The following THEM5 variants were observed in gnomAD, a reference collection of about 807,000 sequenced individuals.
THEM5 encodes the protein thioesterase superfamily member 5.
In THEM5, 28 loss-of-function variants were observed where a neutral mutation model predicts 24.2. That is an observed-to-expected ratio of 1.16 (90% confidence interval 0.86 to 1.59). THEM5 has a LOEUF of 1.59. THEM5 is among the 40% of genes most tolerant of loss of function. The pLI, the probability that THEM5 is intolerant of heterozygous loss-of-function variation, is 0.00. For synonymous variants in THEM5, 87 were observed against 114.5 expected, an observed-to-expected ratio of 0.76 and a Z score of 1.53; for missense variants, 260 against 296.8, an observed-to-expected ratio of 0.88 and a Z score of 0.91.
In THEM5 at chr1:151,847,736, A is replaced by G. The variant is rs1323418887; in HGVS notation, c.700+2T>C. Reference sequence around the variant, plus strand: ...CTGGGGCTGGGCTGGGGGCTCCTTTACCTGAGGACTTGGCATAAACTGTCT... The same window carrying G: ...CTGGGGCTGGGCTGGGGGCTCCTTTGCCTGAGGACTTGGCATAAACTGTCT... On this transcript the variant is annotated splice_donor_variant, in intron 5 of 5. Transcript: ENST00000368817. LOFTEE classifies it high-confidence loss of function. 1 of 1,612,808 alleles carries G rather than the reference A, an allele frequency of 6.2e-7. No individual in the cohort carries two copies. Among genetic ancestry groups the G allele is most frequent in the Non-Finnish European group, 8.5e-7 (1 of 1,179,792 alleles).
At chr1:151,848,411 A>C in intron 3 of THEM5, 119 bp from the exon 4 acceptor site, 1 of 750,510 alleles carries the variant, frequency 1.3e-6, no homozygotes, top group Non-Finnish European at 2.2e-6. Context: ...AGACCCTTCC[A>C]AACACAGACG....
At chr1:151,851,212 T>C (rs369302232) in intron 2 of THEM5, 21 bp from the exon 3 acceptor site, 3 of 1,613,972 alleles carry the variant, frequency 1.9e-6, no homozygotes, top group South Asian at 2.2e-5. Flanking sequence ...ATAGGCAGTG[T>C]TGCAGCCGGA....
In THEM5 at chr1:151,847,780, C is replaced by T. The variant is rs368281552; in HGVS notation, c.658G>A (p.Ala220Thr). 122 of 1,613,788 alleles carry T rather than the reference C, an allele frequency of 7.6e-5. No individual in the cohort carries two copies. Among genetic ancestry groups the T allele is most frequent in the African/African-American group, 3.5e-4 (26 of 74,820 alleles). The change falls in exon 5 of 6, where the codon GCC (alanine) becomes ACC (threonine). Residue 220 changes from alanine to threonine, a missense_variant. Coordinates refer to ENST00000368817, the MANE Select transcript of THEM5 (RefSeq NM_182578.4). ...EDQKLYMSCI[A>T]HSRDQQTVYA... ...ACTGTCTGCTGGTCTCTGCTGTGGGCGATGCAGGACATGTAAAGCTTCTGG... is the reference window on the plus strand; with the variant it reads ...ACTGTCTGCTGGTCTCTGCTGTGGGTGATGCAGGACATGTAAAGCTTCTGG...
rs1269621826 is a variant in THEM5 at position 151,847,776 on chromosome 1, T to C, written c.662A>G (p.His221Arg). ...DQKLYMSCIA[H>R]SRDQQTVYAK... ...ATAAACTGTCTGCTGGTCTCTGCTGTGGGCGATGCAGGACATGTAAAGCTT... is the reference window on the plus strand; with the variant it reads ...ATAAACTGTCTGCTGGTCTCTGCTGCGGGCGATGCAGGACATGTAAAGCTT... Residue 221 changes from histidine to arginine, a missense_variant, in exon 5 of 6, where the codon CAC becomes CGC. By Grantham distance (29) the His-to-Arg change is conservative. Coordinates refer to ENST00000368817, the MANE Select transcript of THEM5 (RefSeq NM_182578.4). The C allele has an allele frequency of 1.2e-6, 2 of 1,613,982 alleles. No homozygotes were observed. The highest frequency in any genetic ancestry group is 2.2e-5 in the South Asian group (2 of 91,058).
At chr1:151,853,088 G>C (rs900111037) in intron 1 of THEM5, among the ~76,000 whole-genome samples, 2 of 152,226 alleles carry the variant, frequency 1.3e-5, no homozygotes, top group Non-Finnish European at 2.9e-5. Flanking sequence ...AGCGTCACCT[G>C]CTCATACACC....
intron 2 of THEM5, 116 bp from the exon 3 acceptor site, chr1:151,851,307 C>A: frequency 7.5e-7 from 1 of 1,341,446 alleles, no homozygotes; most frequent in Non-Finnish European, 1.0e-6. Context: ...CCAGAGGACA[C>A]CAGGTCCACC....
intron 3 of THEM5, 99 bp from the exon 4 acceptor site, chr1:151,848,391 C>G: frequency 1.1e-6 from 1 of 942,406 alleles, no homozygotes; most frequent in African/African-American, 1.6e-5. Context: ...TCCTACCTTT[C>G]CCTTTCCCTA....
At position 151,847,430 on chromosome 1, in the gene THEM5, G is replaced by A. The variant is rs373427749; in HGVS notation, c.701-16C>T. 34 of 1,614,016 alleles carry A rather than the reference G, an allele frequency of 2.1e-5. No homozygotes were observed. The highest frequency in any genetic ancestry group is 2.8e-5 in the Non-Finnish European group (33 of 1,180,004). ...AGGAAAACACCTGCAAGAGAAGGGTGAGTTGAGCTGCAAGAGCTGCACTGA... is the reference window on the plus strand; with the variant it reads ...AGGAAAACACCTGCAAGAGAAGGGTAAGTTGAGCTGCAAGAGCTGCACTGA... On this transcript the variant is annotated splice_polypyrimidine_tract_variant and intron_variant, in intron 5 of 5. Transcript: ENST00000368817.
Position 151,852,499 on chromosome 1 carries a change from AG to A in THEM5, c.124-41del, listed in dbSNP as rs768990594. 19 of 1,604,076 alleles carry A rather than the reference AG, an allele frequency of 1.2e-5. No homozygotes were observed. In the Admixed American group the frequency reaches 2.0e-4, roughly 17 times the overall value. On this transcript the variant is annotated intron_variant, in intron 1 of 5. Coordinates refer to ENST00000368817, the MANE Select transcript of THEM5 (RefSeq NM_182578.4). ...TCAGAATGACTAGACAGCATCCTGG[AG>A]GGGGGCTGCTGCCTGGGCTCGGGAC... is the stretch of plus-strand genomic sequence containing the variant.
intron 1 of THEM5, among the ~76,000 whole-genome samples, chr1:151,852,845 G>C (rs1249718793): frequency 6.6e-6 from 1 of 152,250 alleles, no homozygotes; most frequent in African/African-American, 2.4e-5. Flanking sequence ...GCATGTGACT[G>C]TGAGAGCTGG....
chr1:151,848,146 G>T, intron 4 of THEM5, 36 bp downstream of exon 4: 1 of 1,601,662 alleles, frequency 6.2e-7, no homozygotes, highest in Non-Finnish European at 8.6e-7. Context: ...GAAAAGGTCT[G>T]TGACTTTGGC....
chr1:151,848,095 C>A, intron 4 of THEM5, 87 bp downstream of exon 4: 1 of 1,448,338 alleles, frequency 6.9e-7, no homozygotes, highest in Non-Finnish European at 9.6e-7. Context: ...GCAGGCAGGG[C>A]TCCTACACCC....
chr1:151,848,012 G>T, intron 4 of THEM5, 150 bp from the exon 5 acceptor site: 7 of 1,488,184 alleles, frequency 4.7e-6, no homozygotes, highest in Non-Finnish European at 6.3e-6. Context: ...AGCTCCCAAA[G>T]TTGGACAGCA....
Position 151,848,347 on chromosome 1 carries a change from C to T in THEM5, c.465-55G>A, listed in dbSNP as rs934592640. 2.1e-6 allele frequency: 3 copies of T among 1,397,570 alleles called. No individual in the cohort carries two copies. In the African/African-American group the frequency reaches 4.3e-5, roughly 20 times the overall value. 86.6% of individuals were successfully genotyped at this position (1,397,570 alleles called of 1,614,324 possible). The stretch of plus-strand genomic sequence containing the variant: ...CCTGGGCTGGGGCTGCTGGGCAGAC[C>T]CCCTCAATGGGCCTTCCCTCCCTCC... On this transcript the variant is annotated intron_variant, in intron 3 of 5. Coordinates refer to ENST00000368817, the MANE Select transcript of THEM5 (RefSeq NM_182578.4).
At chr1:151,850,885 CTG>C (rs976240545) in intron 3 of THEM5, among the ~76,000 whole-genome samples, 166 bp downstream of exon 3, 1 of 152,194 alleles carries the variant, frequency 6.6e-6, no homozygotes, top group Non-Finnish European at 1.5e-5. Flanking sequence ...CCAGATAACC[CTG>C]TGTGTCCTTC....
chr1:151,853,428 G>C lies in THEM5; in HGVS notation c.123+15C>G, dbSNP rs375041630. 11 of 1,610,096 alleles carry C rather than the reference G, an allele frequency of 6.8e-6. No homozygotes were observed. Among genetic ancestry groups the C allele is most frequent in the Non-Finnish European group, 9.3e-6 (11 of 1,177,876 alleles). The stretch of plus-strand genomic sequence containing the variant: ...CTGGGAAAACACTGCCCATCTGGCT[G>C]AGCTGGGAACTCACCATGGAGTCTG... On this transcript the variant is annotated intron_variant, in intron 1 of 5. Coordinates refer to ENST00000368817, the MANE Select transcript of THEM5 (RefSeq NM_182578.4).
rs138923737 is a variant in THEM5, at chr1:151,847,443, A to G, written c.701-29T>C. Reference sequence around the variant, plus strand: ...CAAGAGAAGGGTGAGTTGAGCTGCAAGAGCTGCACTGAGATGGCTGGAGCT... The same window carrying G: ...CAAGAGAAGGGTGAGTTGAGCTGCAGGAGCTGCACTGAGATGGCTGGAGCT... On this transcript the variant is annotated intron_variant, in intron 5 of 5. Coordinates refer to ENST00000368817, the MANE Select transcript of THEM5 (RefSeq NM_182578.4). 30 of 1,613,988 alleles carry G rather than the reference A, an allele frequency of 1.9e-5. No homozygotes were observed. The East Asian group carries it at 5.1e-4, about 28-fold the overall frequency.
In THEM5 at chr1:151,850,754, A is replaced by G. The variant is rs1231473863; in HGVS notation, c.464+299T>C. Among the ~76,000 whole-genome samples the G allele has an allele frequency of 2.6e-5, 4 of 152,274 alleles. No individual in the cohort carries two copies. The East Asian group carries it at 7.7e-4, about 29-fold the overall frequency. Reference sequence around the variant, plus strand: ...GGCAGGACACCAAGTCAGAGTCTAGATTCCGGATCTTGCCCTCTTCCAAGT... The same window carrying G: ...GGCAGGACACCAAGTCAGAGTCTAGGTTCCGGATCTTGCCCTCTTCCAAGT... On this transcript the variant is annotated intron_variant, in intron 3 of 5. Transcript: ENST00000368817.
In THEM5 at chr1:151,847,462, T is replaced by C. The variant is rs1381265328; in HGVS notation, c.701-48A>G. 6.8e-6 allele frequency: 11 copies of C among 1,610,322 alleles called. No individual in the cohort carries two copies. In the East Asian group the frequency reaches 2.5e-4, roughly 36 times the overall value. On this transcript the variant is annotated intron_variant, in intron 5 of 5. Transcript: ENST00000368817. ...GCTGCAAGAGCTGCACTGAGATGGCTGGAGCTTGATGGACACTCTGAGCAT... is the reference window on the plus strand; with the variant it reads ...GCTGCAAGAGCTGCACTGAGATGGCCGGAGCTTGATGGACACTCTGAGCAT...
Sources: allele counts gnomAD v4.1 joint callset (sites outside exome capture counted in the v4.1 genomes callset), GRCh38; gene constraint gnomAD v4.1.1; transcripts MANE v1.5; gene names NCBI Gene and HGNC (gene_info 2026-07-23, HGNC 2026-07-21).